Variants in SBF2 observed in about 807,000 individuals in gnomAD.
The protein encoded by SBF2 is SET binding factor 2.
SBF2 carries 112 observed loss-of-function variants against 225.2 expected under a neutral mutation model. The ratio of observed to expected loss-of-function variants is 0.50; its 90% CI spans 0.43 to 0.58. The LOEUF is 0.58. Among genes scored for constraint, SBF2 ranks in the 20% least tolerant of loss-of-function variants. The pLI, the probability that SBF2 is intolerant of heterozygous loss-of-function variation, is 0.00. For missense variants in SBF2, 1,996 were observed against 2,206.2 expected, an observed-to-expected ratio of 0.90 and a Z score of 1.91; for synonymous variants, 763 against 773.3, an observed-to-expected ratio of 0.99 and a Z score of 0.22.
chr11:9,861,430 G>T (rs1444760640), intron 17 of SBF2, among the ~76,000 whole-genome samples: 1 of 152,146 alleles, frequency 6.6e-6, no homozygotes, highest in Non-Finnish European at 1.5e-5. Context: ...TTGGGAGGCT[G>T]AGACAGGCAG....
At chr11:9,994,852 C>T (rs1286297649) in intron 9 of SBF2, among the ~76,000 whole-genome samples, 1 of 151,922 alleles carries the variant, frequency 6.6e-6, no homozygotes, top group Admixed American at 6.6e-5. Context: ...GCCTGGCCAA[C>T]ATGGTAAAAC....
At chr11:10,072,720 T>A (rs1950933240) in intron 2 of SBF2, among the ~76,000 whole-genome samples, 1 of 141,720 alleles carries the variant, frequency 7.1e-6, no homozygotes, top group Admixed American at 7.5e-5. Flanking sequence ...TCCAGTGGAA[T>A]CTTTTTTTTT....
At chr11:10,167,728 T>C (rs1299892841) in intron 2 of SBF2, among the ~76,000 whole-genome samples, 1 of 152,094 alleles carries the variant, frequency 6.6e-6, no homozygotes, top group Admixed American at 6.6e-5. Flanking sequence ...GATGAAGTAA[T>C]AGGCCACGGC....
At chr11:10,105,109 G>C (rs1000945573) in intron 2 of SBF2, among the ~76,000 whole-genome samples, 2 of 152,110 alleles carry the variant, frequency 1.3e-5, no homozygotes. Context: ...TAATTAGTTG[G>C]AAAGTATTCC....
At chr11:10,243,191 A>G (rs997210208) in intron 1 of SBF2, among the ~76,000 whole-genome samples, 1 of 152,162 alleles carries the variant, frequency 6.6e-6, no homozygotes, top group Non-Finnish European at 1.5e-5. Flanking sequence ...AAATTCAAAA[A>G]TATGTGGAAA....
At chr11:10,040,834 G>T (rs549150167) in intron 3 of SBF2, among the ~76,000 whole-genome samples, 17 of 151,620 alleles carry the variant, frequency 1.1e-4, no homozygotes, top group Non-Finnish European at 1.8e-4. Flanking sequence ...TAAAACGATG[G>T]GGCAAAATAT....
chr11:10,292,519 C>CA (rs1964224654), intron 1 of SBF2, among the ~76,000 whole-genome samples: 1 of 151,730 alleles, frequency 6.6e-6, no homozygotes. Context: ...GTCTCTACTA[C>CA]AAATACAAAA....
intron 1 of SBF2, among the ~76,000 whole-genome samples, chr11:10,221,017 T>C (rs951375239): frequency 6.6e-6 from 1 of 152,194 alleles, no homozygotes; most frequent in East Asian, 1.9e-4. Flanking sequence ...TCTATTCCTC[T>C]GTGTTCTTCA....
At chr11:9,935,773 G>C (rs1367666946) in intron 16 of SBF2, among the ~76,000 whole-genome samples, 1 of 152,132 alleles carries the variant, frequency 6.6e-6, no homozygotes, top group African/African-American at 2.4e-5. Flanking sequence ...GCTGAAACTG[G>C]ATCACTTCCT....
chr11:10,240,990 T>C (rs535563964), intron 1 of SBF2, among the ~76,000 whole-genome samples: 3 of 152,280 alleles, frequency 2.0e-5, no homozygotes, highest in South Asian at 4.1e-4. Flanking sequence ...TTAATATTAA[T>C]AGATTAAACA....
chr11:10,077,784 A>AATGGGATCTTAG (rs1383647410), intron 2 of SBF2, among the ~76,000 whole-genome samples: 2 of 152,192 alleles, frequency 1.3e-5, no homozygotes, highest in Non-Finnish European at 2.9e-5. Flanking sequence ...AAAATAGACA[A>AATGGGATCTTAG]ATGGGATCTA....
chr11:10,161,059 C>T (rs1051617821), intron 2 of SBF2, among the ~76,000 whole-genome samples: 39 of 151,848 alleles, frequency 2.6e-4, no homozygotes, highest in Admixed American at 1.6e-3. Context: ...TGGTGGCACA[C>T]GCCTGTAATC....
chr11:10,075,888 C>T (rs988151241), intron 2 of SBF2, among the ~76,000 whole-genome samples: 10 of 151,570 alleles, frequency 6.6e-5, no homozygotes, highest in Non-Finnish European at 1.0e-4. Flanking sequence ...AACAGAAAAC[C>T]ATTTCTGGTA....
At chr11:10,156,161 T>C (rs530830015) in intron 2 of SBF2, among the ~76,000 whole-genome samples, 1 of 152,326 alleles carries the variant, frequency 6.6e-6, no homozygotes, top group South Asian at 2.1e-4. Context: ...GTGCCCACTC[T>C]GATTTCAGAG....
At chr11:10,245,884 T>G (rs1044709349) in intron 1 of SBF2, among the ~76,000 whole-genome samples, 30 of 152,122 alleles carry the variant, frequency 2.0e-4, no homozygotes, top group African/African-American at 6.5e-4. Context: ...GTGAAATAAG[T>G]CAGACCCAGA....
At chr11:9,964,943 T>C (rs1310113956) in intron 14 of SBF2, among the ~76,000 whole-genome samples, 1 of 152,132 alleles carries the variant, frequency 6.6e-6, no homozygotes, top group Non-Finnish European at 1.5e-5. Context: ...AGTGGTGAAG[T>C]CTGGGCTTTT....
chr11:10,096,581 C>A (rs189822566), intron 2 of SBF2, among the ~76,000 whole-genome samples: 1 of 151,938 alleles, frequency 6.6e-6, no homozygotes, highest in Non-Finnish European at 1.5e-5. Context: ...AAAAGCCTTA[C>A]GAGACTTAGA....
intron 16 of SBF2, among the ~76,000 whole-genome samples, chr11:9,910,890 C>CAAAAAAAA (rs68011518): frequency 8.5e-5 from 8 of 93,590 alleles, no homozygotes; most frequent in East Asian, 3.0e-4. Flanking sequence ...TACTAAAATA[C>CAAAAAAAA]AAAAAAAAAA....
At chr11:10,030,400 A>G (rs1949210671) in intron 4 of SBF2, among the ~76,000 whole-genome samples, 1 of 152,174 alleles carries the variant, frequency 6.6e-6, no homozygotes, top group South Asian at 2.1e-4. Flanking sequence ...CAGTATAGCA[A>G]AATTTGTGAC....
Sources: allele counts gnomAD v4.1 joint callset (sites outside exome capture counted in the v4.1 genomes callset), GRCh38; gene constraint gnomAD v4.1.1; transcripts MANE v1.5; gene names NCBI Gene and HGNC (gene_info 2026-07-23, HGNC 2026-07-21).